Variants in TNFRSF8 observed in about 807,000 individuals in gnomAD.
TNFRSF8 encodes tumor necrosis factor receptor superfamily member 8.
Under a neutral mutation model 70.8 loss-of-function variants are expected in TNFRSF8, and 26 were observed. The ratio of observed to expected loss-of-function variants is 0.37; its 90% CI spans 0.27 to 0.51. The LOEUF is 0.51. Ranked by LOEUF, TNFRSF8 falls within the 20% of genes least tolerant of loss-of-function variation. The pLI, the probability that TNFRSF8 is intolerant of heterozygous loss-of-function variation, is 0.94. For missense variants in TNFRSF8, 720 were observed against 807.9 expected, an observed-to-expected ratio of 0.89 and a Z score of 1.32; for synonymous variants, 356 against 339.2, an observed-to-expected ratio of 1.05 and a Z score of -0.54.
In TNFRSF8 at chr1:12,143,929, G is replaced by A. The variant is rs1642310490; in HGVS notation, c.*1398G>A. 1 of 152,286 alleles carries A rather than the reference G, an allele frequency of 6.6e-6. No individual in the cohort carries two copies. The highest frequency in any genetic ancestry group is 2.4e-5 in the African/African-American group (1 of 41,466). The allele number at this position is 152,286 out of a possible 1,614,324, so 9.4% of individuals were successfully genotyped here. ...TTGGAGAAGCCGTGGCCTTGCGAGA[G>A]GTGGTTACACCAGAACCTGGACATT... is the stretch of plus-strand genomic sequence containing the variant. On this transcript the variant is annotated 3_prime_UTR_variant, in exon 15 of 15. Coordinates refer to ENST00000263932, the MANE Select transcript of TNFRSF8 (RefSeq NM_001243.5). The surrounding 1 kb of genome is among the most constrained non-coding windows in gnomAD (Gnocchi z 4.1).
rs113728129 is a variant in TNFRSF8 at position 12,113,604 on chromosome 1, T to G, written c.793+1590T>G. ...GACAGAATGAGAGGGAGAGAGAGAG[T>G]GAGAGAGAGACAGAAAGAGGGAGAG... On this transcript the variant is annotated intron_variant, in intron 7 of 14. Coordinates refer to ENST00000263932, the MANE Select transcript of TNFRSF8 (RefSeq NM_001243.5). This position sits in a 1 kb window ranked among gnomAD's most constrained non-coding sequence, Gnocchi z 4.9. 9.5e-6 allele frequency among the ~76,000 whole-genome samples: 1 copy of G among 105,042 alleles called. No individual in the cohort carries two copies. The highest frequency in any genetic ancestry group is 3.8e-5 in the African/African-American group (1 of 26,022). 68.9% of individuals were successfully genotyped at this position (105,042 alleles called of 152,430 possible).
At chr1:12,106,796 A>C (rs1452690577) in intron 4 of TNFRSF8, among the ~76,000 whole-genome samples, 1 of 151,796 alleles carries the variant, frequency 6.6e-6, no homozygotes, top group Non-Finnish European at 1.5e-5. Context: ...ACTGTGGGGC[A>C]TGTTCCCACC....
rs201980460 is a variant in TNFRSF8 at position 12,138,424 on chromosome 1, A to G, written c.1531A>G (p.Asn511Asp). ...GCCCCGGGTGTCCACGGAGCACACC[A>G]ATAACAAGATTGGTGAGTCAGCCTG... ...PEPRVSTEHT[N>D]NKIEKIYIMK... Residue 511 changes from asparagine (N) to aspartate (D), a missense_variant, in exon 14 of 15, where the codon AAT (asparagine) becomes GAT (aspartate). By Grantham distance (23) the Asn-to-Asp change is conservative. Transcript: ENST00000263932. The surrounding 1 kb of genome is among the most constrained non-coding windows in gnomAD (Gnocchi z 5.7). The G allele has an allele frequency of 2.5e-6, 4 of 1,611,448 alleles. No individual in the cohort carries two copies. The African/African-American group carries it at 5.3e-5, about 21-fold the overall frequency.
chr1:12,084,431 C>G, intron 1 of TNFRSF8, 33 bp from the exon 2 acceptor site: 1 of 1,598,046 alleles, frequency 6.3e-7, no homozygotes, highest in Non-Finnish European at 8.6e-7. Flanking sequence ...ATCTGGGATC[C>G]ACCTGGCCTC....
At chr1:12,073,801 G>A (rs111709782) in intron 1 of TNFRSF8, among the ~76,000 whole-genome samples, 2,006 of 151,862 alleles carry the variant, frequency 0.013, 40 homozygotes, top group African/African-American at 0.045. Context: ...TCACCATGTT[G>A]GCCAAGCTGG....
At position 12,109,911 on chromosome 1, in the gene TNFRSF8, C is replaced by T. The variant is rs1156625268; in HGVS notation, c.513-130C>T. ...CACAGGCCTTGCTCCCAGGAGCTTA[C>T]AGTGGGCCCGCCAGAGGCAGTGGGC... On this transcript the variant is annotated intron_variant, in intron 5 of 14. Transcript: ENST00000263932. The surrounding 1 kb of genome is among the most constrained non-coding windows in gnomAD (Gnocchi z 4.4). 1.7e-6 allele frequency: 2 copies of T among 1,197,230 alleles called. No individual in the cohort carries two copies. The highest frequency in any genetic ancestry group is 2.4e-6 in the Non-Finnish European group (2 of 847,394). 74.2% of individuals were successfully genotyped at this position (1,197,230 alleles called of 1,614,324 possible).
chr1:12,071,003 G>T (rs1640833951), intron 1 of TNFRSF8, among the ~76,000 whole-genome samples: 1 of 151,414 alleles, frequency 6.6e-6, no homozygotes, highest in Non-Finnish European at 1.5e-5. Context: ...CCCTTTTTTT[G>T]GCCCCCACAT....
At position 12,110,941 on chromosome 1, in the gene TNFRSF8, T is replaced by C. The variant is rs1641619289; in HGVS notation, c.676+737T>C. Among the ~76,000 whole-genome samples the C allele has an allele frequency of 6.6e-6, 1 of 152,192 alleles. No homozygotes were observed. Among genetic ancestry groups the C allele is most frequent in the South Asian group, 2.1e-4 (1 of 4,836 alleles). On this transcript the variant is annotated intron_variant, in intron 6 of 14. Coordinates refer to ENST00000263932, the MANE Select transcript of TNFRSF8 (RefSeq NM_001243.5). The surrounding 1 kb of genome is among the most constrained non-coding windows in gnomAD (Gnocchi z 4.0). ...ACTGAATAGCCCTCCATGGCGTAGATATGCCGAGCTCTGTTTATCCAGTTT... is the reference window on the plus strand; with the variant it reads ...ACTGAATAGCCCTCCATGGCGTAGACATGCCGAGCTCTGTTTATCCAGTTT...
At chr1:12,085,721 G>A (rs1641142466) in intron 2 of TNFRSF8, among the ~76,000 whole-genome samples, 1 of 152,216 alleles carries the variant, frequency 6.6e-6, no homozygotes, top group Admixed American at 6.5e-5. Flanking sequence ...AATCCTTCTG[G>A]AGCTGGGGTG....
intron 4 of TNFRSF8, among the ~76,000 whole-genome samples, chr1:12,106,185 T>C (rs1240984288): frequency 6.6e-6 from 1 of 152,182 alleles, no homozygotes; most frequent in Non-Finnish European, 1.5e-5. Context: ...TTCTCCCAGC[T>C]TCAGCTCTCA....
In TNFRSF8 at chr1:12,135,578, C is replaced by CT; in HGVS notation, c.1310-5dup. 6.2e-7 allele frequency: 1 copy of CT among 1,614,090 alleles called. No individual in the cohort carries two copies. The highest frequency in any genetic ancestry group is 8.5e-7 in the Non-Finnish European group (1 of 1,180,012). On this transcript the variant is annotated splice_polypyrimidine_tract_variant and intron_variant, in intron 12 of 14. Coordinates refer to ENST00000263932, the MANE Select transcript of TNFRSF8 (RefSeq NM_001243.5). ...CTCCTTGGTGAAGTTGCTGCTCTTG[C>CT]TTTTTGCAGATTCCAGACCCAGGAG...
Position 12,097,200 on chromosome 1 carries a change from G to T in TNFRSF8, c.251G>T (p.Cys84Phe). ...YLDEADRCTA[C>F]VTCSRDDLVE... ...GATGAGGCCGACCGCTGTACAGCCTGCGTGACTTGTTCTCGAGGTAAGGGC... is the reference window on the plus strand; with the variant it reads ...GATGAGGCCGACCGCTGTACAGCCTTCGTGACTTGTTCTCGAGGTAAGGGC... Residue 84 changes from cysteine (C) to phenylalanine (F), a missense_variant, in exon 3 of 15, where the codon TGC becomes TTC. Transcript: ENST00000263932. The T allele has an allele frequency of 6.2e-7, 1 of 1,613,872 alleles. No homozygotes were observed. The highest frequency in any genetic ancestry group is 8.5e-7 in the Non-Finnish European group (1 of 1,179,806).
chr1:12,089,798 C>T (rs903454984), intron 2 of TNFRSF8, among the ~76,000 whole-genome samples: 2 of 151,878 alleles, frequency 1.3e-5, no homozygotes, highest in Non-Finnish European at 2.9e-5. Flanking sequence ...CACTGGTCTG[C>T]ATCCACCCAT....
Position 12,123,286 on chromosome 1 carries a change from A to T in TNFRSF8, c.949A>T (p.Met317Leu). ...AAETVTKPQD[M>L]AEKDTTFEAP... ...CAGATGTTACGTCCCCTCTGCAGAT[A>T]TGGCTGAGAAGGACACCACCTTTGA... Residue 317 changes from methionine to leucine, a missense_variant and splice_region_variant, in exon 9 of 15, where the codon ATG becomes TTG. Transcript: ENST00000263932. 1 of 1,611,810 alleles carries T rather than the reference A, an allele frequency of 6.2e-7. No homozygotes were observed. Among genetic ancestry groups the T allele is most frequent in the East Asian group, 2.2e-5 (1 of 44,862 alleles).
At chr1:12,071,150 AG>A (rs1485814025) in intron 1 of TNFRSF8, among the ~76,000 whole-genome samples, 5 of 152,220 alleles carry the variant, frequency 3.3e-5, no homozygotes, top group African/African-American at 1.2e-4. Context: ...ATTGTCTTAT[AG>A]CCCTGGTGGT....
intron 8 of TNFRSF8, 139 bp from the exon 9 acceptor site, chr1:12,123,145 T>C (rs1570062545): frequency 1.5e-6 from 1 of 684,228 alleles, no homozygotes; most frequent in East Asian, 2.9e-5. Context: ...TCCACTTTGA[T>C]CTTTTGAAAC....
At chr1:12,087,407 G>T (rs1641174123) in intron 2 of TNFRSF8, among the ~76,000 whole-genome samples, 1 of 152,012 alleles carries the variant, frequency 6.6e-6, no homozygotes, top group African/African-American at 2.4e-5. Flanking sequence ...ACCTCCAGTG[G>T]TCTGCCCGCC....
In TNFRSF8 at chr1:12,141,183, T is replaced by C. The variant is rs6678165; in HGVS notation, c.1544-1104T>C. Among the ~76,000 whole-genome samples the C allele has an allele frequency of 0.11, 16,288 of 151,592 alleles. 2,880 individuals are homozygous for C. Among genetic ancestry groups the C allele is most frequent in the African/African-American group, 0.37 (15,310 of 41,318 alleles). The stretch of plus-strand genomic sequence containing the variant: ...TTTTGGGGTTCCTGAATCCGAGGGG[T>C]ATAACTGCATTACCCAGAAAGGCAG... On this transcript the variant is annotated intron_variant, in intron 14 of 14. Coordinates refer to ENST00000263932, the MANE Select transcript of TNFRSF8 (RefSeq NM_001243.5). This position sits in a 1 kb window ranked among gnomAD's most constrained non-coding sequence, Gnocchi z 5.4.
chr1:12,110,135 G>A lies in TNFRSF8; in HGVS notation c.607G>A (p.Glu203Lys). Residue 203 changes from glutamate to lysine, a missense_variant, in exon 6 of 15, where the codon GAA (glutamate) becomes AAA (lysine). By Grantham distance (56) the Glu-to-Lys change is moderately conservative (BLOSUM62 1). Coordinates refer to ENST00000263932, the MANE Select transcript of TNFRSF8 (RefSeq NM_001243.5). This position sits in a 1 kb window ranked among gnomAD's most constrained non-coding sequence, Gnocchi z 4.0. ...AAGAGGGGGCACCCGCCTCGCCCAG[G>A]AAGCTGCTTCTAAACTGACGAGGGC... Reference protein sequence around the residue: ...PVRGGTRLAQEAASKLTRAPD... With the variant: ...PVRGGTRLAQKAASKLTRAPD... The A allele has an allele frequency of 6.2e-7, 1 of 1,613,678 alleles. No individual in the cohort carries two copies. The highest frequency in any genetic ancestry group is 8.5e-7 in the Non-Finnish European group (1 of 1,179,836).
Sources: gnomAD v4.1 joint callset for allele counts (sites outside exome capture counted in the v4.1 genomes callset) on GRCh38, gnomAD v4.1.1 for gene constraint, Gnocchi (gnomAD v3.1) non-coding constraint, MANE v1.5 for transcripts, NCBI Gene and HGNC (gene_info 2026-07-23, HGNC 2026-07-21) for gene names.